Variants in RALYL observed in about 807,000 individuals in gnomAD.
RALYL encodes RNA-binding Raly-like protein.
Under a neutral mutation model 35.1 loss-of-function variants are expected in RALYL, and 29 were observed. The observed-to-expected ratio is 0.83, with a 90% CI of 0.61 to 1.13. The LOEUF is 1.13. RALYL is among the 50% of genes most tolerant of loss of function. The pLI is 0.00. For synonymous variants in RALYL, 120 were observed against 127.6 expected, an observed-to-expected ratio of 0.94 and a Z score of 0.40; for missense variants, 359 against 360.4, an observed-to-expected ratio of 1.00 and a Z score of 0.03.
chr8:84,304,767 CAG>C (rs1396700990), intron 1 of RALYL, among the ~76,000 whole-genome samples: 1 of 152,102 alleles, frequency 6.6e-6, no homozygotes, highest in Non-Finnish European at 1.5e-5. Flanking sequence ...CAAAACAAAA[CAG>C]AATAGGTAAA....
chr8:84,494,583 G>A (rs912942604), intron 1 of RALYL, among the ~76,000 whole-genome samples: 3 of 152,046 alleles, frequency 2.0e-5, no homozygotes, highest in Admixed American at 6.6e-5. Flanking sequence ...TCCCTGAGCA[G>A]TGGCTTGTAG....
At chr8:84,629,888 A>G (rs1180517341) in intron 2 of RALYL, among the ~76,000 whole-genome samples, 2 of 152,078 alleles carry the variant, frequency 1.3e-5, no homozygotes, top group African/African-American at 4.8e-5. Context: ...TTACTCCAGA[A>G]ATTTTATAAA....
chr8:84,314,076 G>T (rs144239696), intron 1 of RALYL, among the ~76,000 whole-genome samples: 3 of 152,260 alleles, frequency 2.0e-5, no homozygotes, highest in Non-Finnish European at 4.4e-5. Context: ...GGAAGGTCAA[G>T]GGGAAGCAAG....
intron 1 of RALYL, among the ~76,000 whole-genome samples, chr8:84,245,677 T>C (rs899864352): frequency 2.0e-5 from 3 of 152,136 alleles, no homozygotes; most frequent in Non-Finnish European, 2.9e-5. Context: ...CATAAGAACA[T>C]TTGTTAACAT....
At chr8:84,371,540 C>A (rs1313109128) in intron 1 of RALYL, among the ~76,000 whole-genome samples, 2 of 34,044 alleles carry the variant, frequency 5.9e-5, no homozygotes, top group African/African-American at 5.7e-4. Flanking sequence ...TTATGATTAT[C>A]ACACACACAC....
At chr8:84,644,831 A>G (rs1208042444) in intron 2 of RALYL, among the ~76,000 whole-genome samples, 1 of 151,470 alleles carries the variant, frequency 6.6e-6, no homozygotes, top group East Asian at 1.9e-4. Flanking sequence ...GGCTCACTGC[A>G]ACCTCCACCT....
chr8:84,334,233 A>T (rs1022970252), intron 1 of RALYL, among the ~76,000 whole-genome samples: 1 of 152,072 alleles, frequency 6.6e-6, no homozygotes, highest in Non-Finnish European at 1.5e-5. Context: ...TAGCACTTTT[A>T]TCTCACCATA....
chr8:84,235,648 G>A (rs1003350768), intron 1 of RALYL, among the ~76,000 whole-genome samples: 2 of 151,998 alleles, frequency 1.3e-5, no homozygotes, highest in African/African-American at 2.4e-5. Flanking sequence ...CCTCAACACA[G>A]CATTGGATAG....
intron 1 of RALYL, among the ~76,000 whole-genome samples, chr8:84,470,633 G>T (rs13257448): frequency 0.35 from 53,030 of 152,020 alleles, 9,582 homozygotes; most frequent in South Asian, 0.52. Context: ...AGGTACATCA[G>T]ATGTGAATGC....
At chr8:84,902,618 C>T (rs1427070) in intron 8 of RALYL, among the ~76,000 whole-genome samples, 70,471 of 152,012 alleles carry the variant, frequency 0.46, 19,314 homozygotes, top group African/African-American at 0.75. Flanking sequence ...AATGGGGAAA[C>T]GGGAAGTCAG....
At chr8:84,830,978 AAAAGAAGGTC>A (rs2065621668) in intron 4 of RALYL, among the ~76,000 whole-genome samples, 1 of 152,098 alleles carries the variant, frequency 6.6e-6, no homozygotes, top group South Asian at 2.1e-4. Context: ...ATTGCAGAGG[AAAAGAAGGTC>A]AATAAATGAT....
At chr8:84,722,025 G>T (rs772421283) in intron 2 of RALYL, among the ~76,000 whole-genome samples, 2 of 151,978 alleles carry the variant, frequency 1.3e-5, no homozygotes, top group Middle Eastern at 3.2e-3. Context: ...TCAATACGTG[G>T]ATGTACAATG....
chr8:84,685,765 A>G (rs1483547967), intron 2 of RALYL, among the ~76,000 whole-genome samples: 1 of 152,222 alleles, frequency 6.6e-6, no homozygotes, highest in Non-Finnish European at 1.5e-5. Context: ...AATGAAAATG[A>G]CAATGTTTGT....
chr8:84,525,294 C>G (rs1243668296), intron 1 of RALYL, among the ~76,000 whole-genome samples: 2 of 152,062 alleles, frequency 1.3e-5, no homozygotes, highest in Non-Finnish European at 2.9e-5. Context: ...TTTGTTTGCA[C>G]TGAAAAATTC....
chr8:84,273,354 T>A (rs1290047910), intron 1 of RALYL, among the ~76,000 whole-genome samples: 2 of 152,206 alleles, frequency 1.3e-5, no homozygotes, highest in Non-Finnish European at 2.9e-5. Context: ...CACATGGGCC[T>A]CTCCGTAGGG....
intron 2 of RALYL, among the ~76,000 whole-genome samples, chr8:84,572,370 G>A (rs1588259666): frequency 6.6e-6 from 1 of 151,722 alleles, no homozygotes; most frequent in East Asian, 1.9e-4. Flanking sequence ...TTTCATTTGT[G>A]TAATTACTTT....
intron 1 of RALYL, among the ~76,000 whole-genome samples, chr8:84,340,677 A>G (rs570814887): frequency 1.3e-5 from 2 of 152,164 alleles, no homozygotes; most frequent in African/African-American, 2.4e-5. Context: ...AGACGAAAAA[A>G]TCAATTGCTT....
chr8:84,221,185 C>G (rs1490634647), intron 1 of RALYL, among the ~76,000 whole-genome samples: 2 of 151,896 alleles, frequency 1.3e-5, no homozygotes, highest in African/African-American at 4.8e-5. Flanking sequence ...ATATTACAGT[C>G]CGATAGAGAA....
chr8:84,670,325 C>T (rs916311973), intron 2 of RALYL, among the ~76,000 whole-genome samples: 3 of 152,150 alleles, frequency 2.0e-5, no homozygotes, highest in African/African-American at 7.2e-5. Flanking sequence ...ACATTCAACT[C>T]ATATTGAACA....
Sources: allele counts gnomAD v4.1 joint callset (sites outside exome capture counted in the v4.1 genomes callset), GRCh38; gene constraint gnomAD v4.1.1; transcripts MANE v1.5; gene names NCBI Gene and HGNC (gene_info 2026-07-23, HGNC 2026-07-21).